The following RIC3 variants were observed in gnomAD, a reference collection of about 807,000 sequenced individuals.
RIC3 encodes protein RIC-3.
RIC3 carries 28 observed loss-of-function variants against 27.3 expected under a neutral mutation model. The ratio of observed to expected loss-of-function variants is 1.02; its 90% CI spans 0.76 to 1.41. RIC3 has a LOEUF of 1.41. Among genes scored for constraint, RIC3 ranks in the 40% most tolerant of loss-of-function variants. The pLI is 0.00. For synonymous variants in RIC3, 184 were observed against 160.4 expected (o/e 1.15, Z -1.11); for missense variants, 501 against 444.7 (o/e 1.13, Z -1.14).
chr11:8,150,659 T>G (rs1192391148), intron 1 of RIC3, among the ~76,000 whole-genome samples: 1 of 151,998 alleles, frequency 6.6e-6, no homozygotes, highest in Admixed American at 6.6e-5. Flanking sequence ...AAAAGAAAAA[T>G]GCGCTAGCCA....
intron 1 of RIC3, among the ~76,000 whole-genome samples, chr11:8,165,453 T>C (rs7482535): frequency 0.35 from 53,243 of 152,074 alleles, 9,646 homozygotes; most frequent in East Asian, 0.5. Flanking sequence ...TTATATGATT[T>C]CATTTATACC....
downstream of RIC3, among the ~76,000 whole-genome samples, chr11:8,101,268 G>T (rs1272947799): frequency 6.6e-6 from 1 of 152,132 alleles, no homozygotes; most frequent in Non-Finnish European, 1.5e-5. Context: ...TCTGTCCCCT[G>T]GTGTTCACAT....
At chr11:8,138,640 A>G in intron 2 of RIC3, 2 of 385,256 alleles carry the variant, frequency 5.2e-6, no homozygotes, top group South Asian at 8.5e-5. Context: ...AATTTATTCA[A>G]GAACCTGTGC....
At chr11:8,098,421 T>C in the RIC3 span, among the ~76,000 whole-genome samples, 1 of 152,186 alleles carries the variant, frequency 6.6e-6, no homozygotes, top group Non-Finnish European at 1.5e-5. Flanking sequence ...GTGCTAAGCC[T>C]CTTCCACTGT....
In RIC3 at chr11:8,154,406, A is replaced by G. The variant is rs568228048; in HGVS notation, c.125-14213T>C. Reference sequence around the variant, plus strand: ...GTGTATAGGCAGTGGTGACGGTTGCACAACAGTGTGAATGTACTTAATGCT... The same window carrying G: ...GTGTATAGGCAGTGGTGACGGTTGCGCAACAGTGTGAATGTACTTAATGCT... On this transcript the variant is annotated intron_variant, in intron 1 of 5. Coordinates refer to ENST00000309737, the MANE Select transcript of RIC3 (RefSeq NM_001206671.4). Among the ~76,000 whole-genome samples the G allele has an allele frequency of 3.9e-5, 6 of 152,330 alleles. No individual in the cohort carries two copies. The East Asian group carries it at 1.2e-3, about 29-fold the overall frequency.
chr11:8,103,374 G>A (rs1944389313), downstream of RIC3: 2 of 152,214 alleles, frequency 1.3e-5, no homozygotes, highest in African/African-American at 4.8e-5. Flanking sequence ...TAGATGTTTG[G>A]AAAAGCTAAG....
At chr11:8,115,090 A>C (rs1945699826) in intron 5 of RIC3, among the ~76,000 whole-genome samples, 1 of 152,154 alleles carries the variant, frequency 6.6e-6, no homozygotes, top group Non-Finnish European at 1.5e-5. Context: ...GGGTACAAGA[A>C]GGTCAAAAGT....
intron 2 of RIC3, chr11:8,139,104 C>T (rs1233782388): frequency 6.6e-6 from 1 of 152,300 alleles, no homozygotes; most frequent in Non-Finnish European, 1.5e-5. Flanking sequence ...CTTTATGGCA[C>T]CAGAGAACAA....
At chr11:8,168,094 G>A (rs1399720572) in intron 1 of RIC3, among the ~76,000 whole-genome samples, 2 of 152,174 alleles carry the variant, frequency 1.3e-5, no homozygotes, top group East Asian at 3.8e-4. Context: ...ATAATTTACA[G>A]GAGAAAGTTA....
At chr11:8,150,925 AG>A (rs1950165966) in intron 1 of RIC3, among the ~76,000 whole-genome samples, 1 of 152,234 alleles carries the variant, frequency 6.6e-6, no homozygotes, top group South Asian at 2.1e-4. Context: ...GTGTGGGGAC[AG>A]GTAGATATTC....
rs1220369346 is a variant in RIC3 at position 8,139,937 on chromosome 11, A to C, written c.351+30T>G. The C allele has an allele frequency of 2.6e-6, 4 of 1,563,726 alleles. No individual in the cohort carries two copies. In the African/African-American group the frequency reaches 5.4e-5, roughly 21 times the overall value. On this transcript the variant is annotated intron_variant, in intron 2 of 5. Coordinates refer to ENST00000309737, the MANE Select transcript of RIC3 (RefSeq NM_001206671.4). The stretch of plus-strand genomic sequence containing the variant: ...TTATTGCCATATTAGATTTTCATTG[A>C]TGTAATATGATTAGGATGATTCTAC...
At chr11:8,126,237 T>G (rs1946977600) in intron 5 of RIC3, among the ~76,000 whole-genome samples, 1 of 152,200 alleles carries the variant, frequency 6.6e-6, no homozygotes, top group Admixed American at 6.5e-5. Context: ...AATTATGGTA[T>G]AAGTATATAA....
At position 8,118,940 on chromosome 11, in the gene RIC3, C is replaced by A. The variant is rs560769723; in HGVS notation, c.670+7719G>T. Reference sequence around the variant, plus strand: ...AAAACCAAATTAGTATATTAAAAGTCCAAGTTGAGGAATTCTCCCAGCACA... The same window carrying A: ...AAAACCAAATTAGTATATTAAAAGTACAAGTTGAGGAATTCTCCCAGCACA... On this transcript the variant is annotated intron_variant, in intron 5 of 5. Coordinates refer to ENST00000309737, the MANE Select transcript of RIC3 (RefSeq NM_001206671.4). Among the ~76,000 whole-genome samples the A allele has an allele frequency of 2.7e-5, 4 of 150,520 alleles. No individual in the cohort carries two copies. In the South Asian group the frequency reaches 8.4e-4, roughly 32 times the overall value.
At chr11:8,137,181 C>T (rs1948518654) in intron 4 of RIC3, among the ~76,000 whole-genome samples, 197 bp downstream of exon 4, 1 of 152,152 alleles carries the variant, frequency 6.6e-6, no homozygotes, top group South Asian at 2.1e-4. Context: ...TGCACCACCA[C>T]ACCTGGCTAA....
At chr11:8,164,021 T>C (rs890855193) in intron 1 of RIC3, among the ~76,000 whole-genome samples, 1 of 152,210 alleles carries the variant, frequency 6.6e-6, no homozygotes, top group Non-Finnish European at 1.5e-5. Context: ...TGTAATATAA[T>C]TGAGAGTCCA....
Position 8,168,959 on chromosome 11 carries a change from G to C in RIC3, c.31C>G (p.Leu11Val), listed in dbSNP as rs768928838. MAYSTVQRVA[L>V]ASGLVLALSL... ...AGAGCCAGGACAAGCCCAGAAGCCA[G>C]AGCGACTCTCTGCACTGTGGAGTAC... Residue 11 changes from leucine (L) to valine (V), a missense_variant, in exon 1 of 6, where the codon CTG becomes GTG. Coordinates refer to ENST00000309737, the MANE Select transcript of RIC3 (RefSeq NM_001206671.4). 1.1e-5 allele frequency: 18 copies of C among 1,609,502 alleles called. No individual in the cohort carries two copies. Among genetic ancestry groups the C allele is most frequent in the Non-Finnish European group, 1.4e-5 (16 of 1,178,072 alleles).
intron 5 of RIC3, among the ~76,000 whole-genome samples, chr11:8,116,190 C>G (rs1041776590): frequency 1.3e-5 from 2 of 152,150 alleles, no homozygotes; most frequent in African/African-American, 4.8e-5. Flanking sequence ...AGGACAATCT[C>G]TTCAATAAAT....
intron 5 of RIC3, among the ~76,000 whole-genome samples, chr11:8,121,759 T>C (rs1946486280): frequency 6.6e-6 from 1 of 152,220 alleles, no homozygotes; most frequent in Admixed American, 6.5e-5. Flanking sequence ...ATATTTGTTA[T>C]AAATATTTTT....
chr11:8,112,894 T>C (rs557450181), intron 5 of RIC3, among the ~76,000 whole-genome samples: 19 of 152,354 alleles, frequency 1.2e-4, no homozygotes, highest in African/African-American at 4.6e-4. Context: ...GATAGACTTC[T>C]ATAAATATGA....
Sources: allele counts gnomAD v4.1 joint callset (sites outside exome capture counted in the v4.1 genomes callset), GRCh38; gene constraint gnomAD v4.1.1; transcripts MANE v1.5; gene names NCBI Gene and HGNC (gene_info 2026-07-23, HGNC 2026-07-21).